DPT: variants seen among roughly 807,000 people sequenced by gnomAD.
DPT encodes the protein dermatopontin.
DPT carries 21 observed loss-of-function variants against 31.2 expected under a neutral mutation model. The observed-to-expected ratio is 0.67, with a 90% CI of 0.48 to 0.97. The LOEUF is 0.97. Among genes scored for constraint, DPT ranks in the 50% least tolerant of loss-of-function variants. The pLI is 0.00. For missense variants in DPT, 262 were observed against 258.8 expected (o/e 1.01, Z -0.08); for synonymous variants, 91 against 86.9 (o/e 1.05, Z -0.26).
intron 1 of DPT, among the ~76,000 whole-genome samples, chr1:168,728,469 A>G (rs1650296218): frequency 6.6e-6 from 1 of 152,230 alleles, no homozygotes; most frequent in African/African-American, 2.4e-5. Flanking sequence ...TAAATTTCTA[A>G]AAAAGAAAAA....
At chr1:168,697,669 A>G (rs976418744) in intron 3 of DPT, among the ~76,000 whole-genome samples, 10 of 152,226 alleles carry the variant, frequency 6.6e-5, no homozygotes, top group African/African-American at 2.2e-4. Context: ...ATACTGTTGA[A>G]CAGTGATAAT....
chr1:168,712,654 C>A (rs1370430554), intron 2 of DPT, among the ~76,000 whole-genome samples: 8 of 152,178 alleles, frequency 5.3e-5, no homozygotes, highest in African/African-American at 1.4e-4. Context: ...GTCTTTGGAA[C>A]TTCCTTCATC....
At chr1:168,706,139 A>G (rs562448125) in intron 2 of DPT, among the ~76,000 whole-genome samples, 1 of 152,344 alleles carries the variant, frequency 6.6e-6, no homozygotes, top group African/African-American at 2.4e-5. Context: ...TAACATCATG[A>G]TGGCCAATAT....
At chr1:168,701,815 C>A (rs996599153) in intron 2 of DPT, among the ~76,000 whole-genome samples, 2 of 152,140 alleles carry the variant, frequency 1.3e-5, no homozygotes, top group Non-Finnish European at 2.9e-5. Flanking sequence ...TGGGGAAAGT[C>A]AATGAATCTG....
intron 3 of DPT, among the ~76,000 whole-genome samples, chr1:168,698,712 C>A (rs945482518): frequency 6.6e-6 from 1 of 151,850 alleles, no homozygotes. Context: ...AAGGACAGAC[C>A]CTGAAACAAA....
intron 1 of DPT, among the ~76,000 whole-genome samples, chr1:168,725,187 T>C (rs994164610): frequency 1.6e-4 from 24 of 152,014 alleles, no homozygotes; most frequent in Admixed American, 4.6e-4. Context: ...CACCTTCCTT[T>C]TTCTTCCTTT....
rs749114415 is a variant in DPT, at chr1:168,728,938, G to A, written c.237C>T (p.Pro79=). Residue 79 remains proline, a synonymous_variant, in exon 1 of 4, where the codon CCC becomes CCT. Coordinates refer to ENST00000367817, the MANE Select transcript of DPT (RefSeq NM_001937.5). ...TGGGTTCCCCGAGGCTCTGTGGCGT[G>A]GGCATGCAGGCGTAGTTCCATTGTC... ...SDRQWNYACM[P]TPQSLGEPTE... 8.1e-6 allele frequency: 13 copies of A among 1,614,064 alleles called. No homozygotes were observed. The Admixed American group carries it at 2.0e-4, about 25-fold the overall frequency.
intron 2 of DPT, among the ~76,000 whole-genome samples, chr1:168,710,327 C>T (rs535206129): frequency 6.6e-6 from 1 of 152,336 alleles, no homozygotes; most frequent in South Asian, 2.1e-4. Context: ...GGAACCACAC[C>T]TTAGTGGGAC....
chr1:168,703,785 C>A (rs1649654877), intron 2 of DPT, among the ~76,000 whole-genome samples: 1 of 152,048 alleles, frequency 6.6e-6, no homozygotes, highest in South Asian at 2.1e-4. Flanking sequence ...GAGAAATGAC[C>A]CAAATCACTG....
At chr1:168,719,235 C>T (rs185640533) in intron 1 of DPT, among the ~76,000 whole-genome samples, 5 of 152,124 alleles carry the variant, frequency 3.3e-5, no homozygotes, top group East Asian at 1.9e-4. Context: ...TTCTTGCTTC[C>T]GTTCTCTCCC....
chr1:168,719,595 G>C (rs1650054794), intron 1 of DPT, among the ~76,000 whole-genome samples: 1 of 152,024 alleles, frequency 6.6e-6, no homozygotes, highest in South Asian at 2.1e-4. Flanking sequence ...ATTCCGCTTG[G>C]AGGGAAACTA....
chr1:168,700,737 C>T (rs1034923594), intron 3 of DPT, among the ~76,000 whole-genome samples: 19 of 152,166 alleles, frequency 1.2e-4, no homozygotes, highest in Non-Finnish European at 2.9e-5. Flanking sequence ...ATGAGGTGAG[C>T]TCATGAGAAC....
At chr1:168,725,474 GAA>G (rs1321808190) in intron 1 of DPT, among the ~76,000 whole-genome samples, 1 of 152,032 alleles carries the variant, frequency 6.6e-6, no homozygotes, top group Non-Finnish European at 1.5e-5. Flanking sequence ...AATCTCACTA[GAA>G]AATTTCACCT....
intron 1 of DPT, among the ~76,000 whole-genome samples, chr1:168,723,910 A>G (rs1650178225): frequency 6.6e-6 from 1 of 152,132 alleles, no homozygotes; most frequent in South Asian, 2.1e-4. Context: ...TATACTCTTC[A>G]CCCAGGTTCC....
chr1:168,696,641 A>C (rs909739765), intron 3 of DPT, 26 bp from the exon 4 acceptor site: 35 of 1,605,476 alleles, frequency 2.2e-5, no homozygotes, highest in Non-Finnish European at 2.6e-5. Flanking sequence ...TCAGAAAATG[A>C]ATGTCAGTGA....
At chr1:168,717,526 G>C (rs1244336976) in intron 1 of DPT, among the ~76,000 whole-genome samples, 2 of 152,128 alleles carry the variant, frequency 1.3e-5, no homozygotes, top group Non-Finnish European at 2.9e-5. Flanking sequence ...TCTGATGATA[G>C]TTCCTTTTGG....
At chr1:168,718,167 G>C (rs1252001076) in intron 1 of DPT, among the ~76,000 whole-genome samples, 1 of 152,148 alleles carries the variant, frequency 6.6e-6, no homozygotes, top group African/African-American at 2.4e-5. Context: ...CCATTGTTTT[G>C]GCTTGTCTTC....
chr1:168,711,491 C>G (rs538238228), intron 2 of DPT, among the ~76,000 whole-genome samples: 56 of 152,274 alleles, frequency 3.7e-4, no homozygotes, highest in Middle Eastern at 3.4e-3. Flanking sequence ...GCAGAGACCT[C>G]GAGCCTTGCT....
chr1:168,705,256 A>C (rs946852757), intron 2 of DPT, among the ~76,000 whole-genome samples: 2 of 152,204 alleles, frequency 1.3e-5, no homozygotes, highest in Non-Finnish European at 2.9e-5. Context: ...ACTTCATAGC[A>C]CTGAGATGTG....
Sources: gnomAD v4.1 joint callset for allele counts (sites outside exome capture counted in the v4.1 genomes callset) on GRCh38, gnomAD v4.1.1 for gene constraint, MANE v1.5 for transcripts, NCBI Gene and HGNC (gene_info 2026-07-23, HGNC 2026-07-21) for gene names.